The following ZNF704 variants were observed in gnomAD, a reference collection of about 807,000 sequenced individuals.
ZNF704 encodes zinc finger protein 704, also known as glucocorticoid induced gene 1.
ZNF704 carries 10 observed loss-of-function variants against 44.7 expected under a neutral mutation model. The ratio of observed to expected loss-of-function variants is 0.22; its 90% CI spans 0.14 to 0.38. The LOEUF is 0.38. Among genes scored for constraint, ZNF704 ranks in the 10% least tolerant of loss-of-function variants. The pLI, the probability that ZNF704 is intolerant of heterozygous loss-of-function variation, is 1.00. For missense variants in ZNF704, 390 were observed against 545.5 expected, an observed-to-expected ratio of 0.71 and a Z score of 2.84; for synonymous variants, 211 against 207.6, an observed-to-expected ratio of 1.02 and a Z score of -0.14.
At chr8:80,652,680 C>T (rs966173699) in intron 7 of ZNF704, among the ~76,000 whole-genome samples, 1 of 152,012 alleles carries the variant, frequency 6.6e-6, no homozygotes, top group African/African-American at 2.4e-5. Flanking sequence ...TCATTAATAG[C>T]TTACCAACCA....
chr8:80,785,868 C>T (rs752247943), intron 2 of ZNF704, among the ~76,000 whole-genome samples: 10 of 152,144 alleles, frequency 6.6e-5, no homozygotes, highest in African/African-American at 1.2e-4. Context: ...GTTCTTCTTG[C>T]TACTGGGGTA....
intron 2 of ZNF704, among the ~76,000 whole-genome samples, chr8:80,718,352 ATTC>A (rs1819107210): frequency 6.6e-6 from 1 of 150,920 alleles, no homozygotes; most frequent in African/African-American, 2.5e-5. Context: ...AGGCTAAATC[ATTC>A]TTCTCTGTTT....
chr8:80,649,364 G>A (rs1460893837), intron 7 of ZNF704, among the ~76,000 whole-genome samples: 1 of 152,174 alleles, frequency 6.6e-6, no homozygotes, highest in Non-Finnish European at 1.5e-5. Flanking sequence ...AGCAGGATGA[G>A]GCATCGCCTC....
In ZNF704 at chr8:80,634,156, G is replaced by C. The variant is rs568441937; in HGVS notation, c.*7210C>G. The C allele has an allele frequency of 4.6e-5, 7 of 152,206 alleles. No individual in the cohort carries two copies. The highest frequency in any genetic ancestry group is 7.3e-5 in the Non-Finnish European group (5 of 68,056). The allele number at this position is 152,206 out of a possible 1,614,324, so 9.4% of individuals were successfully genotyped here. A position where few individuals can be genotyped will look rare whatever the true frequency, so the allele number is the denominator to read the frequency against. ...TTCAGAGGCTCCTGGCAGCCTTCTC[G>C]GAAGGCACGAGGCTGCTCTTTGCCA... On this transcript the variant is annotated 3_prime_UTR_variant, in exon 9 of 9. Transcript: ENST00000327835.
chr8:80,717,479 C>T (rs1352853881), intron 2 of ZNF704, among the ~76,000 whole-genome samples: 1 of 152,210 alleles, frequency 6.6e-6, no homozygotes, highest in Non-Finnish European at 1.5e-5. Flanking sequence ...TTCTCAACTA[C>T]AAATGGAAAT....
Position 80,757,936 on chromosome 8 carries a change from C to T in ZNF704, c.221+63438G>A, listed in dbSNP as rs915614053. On this transcript the variant is annotated intron_variant, in intron 2 of 8. Coordinates refer to ENST00000327835, the MANE Select transcript of ZNF704 (RefSeq NM_001033723.3). Reference sequence around the variant, plus strand: ...GCACAATGACAAAATTGCCTAATGACGCATTTCTCAGAATGCCTATCCCCA... The same window carrying T: ...GCACAATGACAAAATTGCCTAATGATGCATTTCTCAGAATGCCTATCCCCA... Among the ~76,000 whole-genome samples the T allele has an allele frequency of 2.6e-4, 39 of 152,236 alleles. 1 individual carries two copies. The highest frequency in any genetic ancestry group is 2.0e-3 in the Admixed American group (31 of 15,286).
chr8:80,664,009 G>A (rs188443091), intron 6 of ZNF704, among the ~76,000 whole-genome samples: 1 of 152,148 alleles, frequency 6.6e-6, no homozygotes, highest in East Asian at 1.9e-4. Flanking sequence ...GGGATTACAG[G>A]TGTGAGCCAC....
At chr8:80,796,263 T>TC (rs1807799212) in intron 2 of ZNF704, among the ~76,000 whole-genome samples, 1 of 152,210 alleles carries the variant, frequency 6.6e-6, no homozygotes, top group Non-Finnish European at 1.5e-5. Flanking sequence ...GCACAGGGAA[T>TC]CACGTGTTGA....
At position 80,874,219 on chromosome 8, in the gene ZNF704, T is replaced by G. The variant is rs919857027; in HGVS notation, c.-22+352A>C. ...GGCTGCAGAGGCGCGGGCGCCGCCT[T>G]CGCTGGACCGGCCGGCGGGGACGCC... On this transcript the variant is annotated intron_variant, in intron 1 of 8. Transcript: ENST00000327835. This position sits in a 1 kb window ranked among gnomAD's most constrained non-coding sequence, Gnocchi z 4.4. 1.4e-5 allele frequency among the ~76,000 whole-genome samples: 2 copies of G among 144,878 alleles called. No homozygotes were observed. Among genetic ancestry groups the G allele is most frequent in the Non-Finnish European group, 3.1e-5 (2 of 65,454 alleles).
intron 6 of ZNF704, among the ~76,000 whole-genome samples, chr8:80,663,622 G>A (rs1818136814): frequency 6.6e-6 from 1 of 152,140 alleles, no homozygotes; most frequent in Non-Finnish European, 1.5e-5. Context: ...CATTGAGAAC[G>A]ACTACTCTAA....
chr8:80,845,629 C>T lies in ZNF704; in HGVS notation c.-21-24014G>A, dbSNP rs372982285. Among the ~76,000 whole-genome samples the T allele has an allele frequency of 7.2e-5, 11 of 152,232 alleles. No homozygotes were observed. The East Asian group carries it at 9.6e-4, about 13-fold the overall frequency. On this transcript the variant is annotated intron_variant, in intron 1 of 8. Coordinates refer to ENST00000327835, the MANE Select transcript of ZNF704 (RefSeq NM_001033723.3). ...GGTAGTAAAACAGTAAGAAGCTATC[C>T]GCAGAACCATGAATTTAGACTTGCT...
At chr8:80,881,334 C>T in the ZNF704 span, among the ~76,000 whole-genome samples, 1 of 152,100 alleles carries the variant, frequency 6.6e-6, no homozygotes, top group African/African-American at 2.4e-5. Flanking sequence ...GCAGCCACTA[C>T]AAAGAGTGAG....
chr8:80,664,190 G>T (rs146099708), intron 6 of ZNF704, among the ~76,000 whole-genome samples: 128 of 151,898 alleles, frequency 8.4e-4, no homozygotes, highest in Non-Finnish European at 1.6e-3. Context: ...TCCGTCTCTC[G>T]GGTTCAAGCA....
chr8:80,796,068 A>G (rs1163740946), intron 2 of ZNF704, among the ~76,000 whole-genome samples: 1 of 152,208 alleles, frequency 6.6e-6, no homozygotes, highest in Non-Finnish European at 1.5e-5. Context: ...GCTAGAAACC[A>G]AATGAAACCG....
At chr8:80,652,494 C>T (rs1466464875) in intron 7 of ZNF704, among the ~76,000 whole-genome samples, 6 of 151,950 alleles carry the variant, frequency 3.9e-5, no homozygotes, top group East Asian at 3.9e-4. Flanking sequence ...ATATCACCAC[C>T]GATCCCACAG....
At chr8:80,796,412 A>G (rs1233647792) in intron 2 of ZNF704, among the ~76,000 whole-genome samples, 1 of 152,174 alleles carries the variant, frequency 6.6e-6, no homozygotes, top group African/African-American at 2.4e-5. Context: ...TGACACTATC[A>G]TCTCTTAAAG....
upstream of ZNF704, among the ~76,000 whole-genome samples, chr8:80,877,373 A>T (rs893765137): frequency 6.6e-6 from 1 of 152,174 alleles, no homozygotes; most frequent in Non-Finnish European, 1.5e-5. Flanking sequence ...ATTAAATCAG[A>T]GGACACTTAG....
chr8:80,829,245 A>C (rs1808428737), intron 1 of ZNF704, among the ~76,000 whole-genome samples: 1 of 152,218 alleles, frequency 6.6e-6, no homozygotes, highest in Non-Finnish European at 1.5e-5. Flanking sequence ...ATGTAAGGAC[A>C]AGTATGTTAA....
intron 7 of ZNF704, among the ~76,000 whole-genome samples, chr8:80,653,065 AACC>A: frequency 6.6e-6 from 1 of 152,196 alleles, no homozygotes; most frequent in East Asian, 1.9e-4. Flanking sequence ...CAAAGACAAA[AACC>A]ACATGATTAT....
Sources: gnomAD v4.1 joint callset for allele counts (sites outside exome capture counted in the v4.1 genomes callset) on GRCh38, gnomAD v4.1.1 for gene constraint, Gnocchi (gnomAD v3.1) non-coding constraint, MANE v1.5 for transcripts, NCBI Gene and HGNC (gene_info 2026-07-23, HGNC 2026-07-21) for gene names.